The following BMPR1B variants were observed in gnomAD, a reference collection of about 807,000 sequenced individuals.
BMPR1B encodes the protein bone morphogenetic protein receptor type 1B.
BMPR1B carries 12 observed loss-of-function variants against 59.1 expected under a neutral mutation model. The ratio of observed to expected loss-of-function variants is 0.20; its 90% CI spans 0.13 to 0.33. BMPR1B has a LOEUF of 0.33. BMPR1B is among the 10% of genes least tolerant of loss of function. The probability of loss-of-function intolerance (pLI) is 1.00; values close to 1 mark genes in which losing one functional copy is unlikely to be tolerated. For synonymous variants in BMPR1B, 237 were observed against 207.3 expected (o/e 1.14, Z -1.23); for missense variants, 550 against 610.9 (o/e 0.90, Z 1.05).
intron 2 of BMPR1B, among the ~76,000 whole-genome samples, chr4:94,912,401 A>G (rs1411422520): frequency 6.6e-6 from 1 of 152,094 alleles, no homozygotes; most frequent in Non-Finnish European, 1.5e-5. Context: ...TTGCTCAGAG[A>G]TTCAAGCTGA....
intron 10 of BMPR1B, among the ~76,000 whole-genome samples, chr4:95,145,168 T>G (rs749969080): frequency 3.9e-4 from 59 of 152,220 alleles, no homozygotes; most frequent in Non-Finnish European, 7.1e-4. Flanking sequence ...CCTGTTGCAG[T>G]CCCATTCCTT....
chr4:94,938,872 G>T (rs896645543), intron 2 of BMPR1B, among the ~76,000 whole-genome samples: 8 of 151,900 alleles, frequency 5.3e-5, no homozygotes, highest in African/African-American at 1.9e-4. Flanking sequence ...TTAGCCATGT[G>T]TGGGGGCACA....
intron 1 of BMPR1B, among the ~76,000 whole-genome samples, chr4:94,797,753 G>T (rs1308671835): frequency 6.6e-6 from 1 of 152,162 alleles, no homozygotes; most frequent in African/African-American, 2.4e-5. Context: ...TTGGGGTGGA[G>T]CCCATGAATT....
chr4:94,796,100 GA>G (rs2110612745), intron 1 of BMPR1B, among the ~76,000 whole-genome samples: 1 of 152,112 alleles, frequency 6.6e-6, no homozygotes, highest in South Asian at 2.1e-4. Context: ...GAGTAGCTGG[GA>G]TTACAGGTAT....
chr4:95,128,881 C>T (rs531490013), intron 8 of BMPR1B, among the ~76,000 whole-genome samples: 1 of 152,244 alleles, frequency 6.6e-6, no homozygotes, highest in South Asian at 2.1e-4. Flanking sequence ...TCTGTTGACT[C>T]TCATTTATAG....
chr4:94,935,103 A>G (rs553374270), intron 2 of BMPR1B, among the ~76,000 whole-genome samples: 1 of 152,274 alleles, frequency 6.6e-6, no homozygotes, highest in South Asian at 2.1e-4. Context: ...TTCAGCAAGT[A>G]AATTAATTTT....
intron 2 of BMPR1B, among the ~76,000 whole-genome samples, chr4:94,949,180 G>A (rs1011319376): frequency 2.0e-5 from 3 of 152,114 alleles, no homozygotes; most frequent in East Asian, 1.9e-4. Context: ...GTGCCCATAT[G>A]TTCTCATTGT....
intron 2 of BMPR1B, among the ~76,000 whole-genome samples, chr4:94,908,456 C>T (rs575397994): frequency 2.0e-4 from 31 of 151,776 alleles, no homozygotes; most frequent in Non-Finnish European, 4.0e-4. Flanking sequence ...TCAGTGGCCC[C>T]GTCTCTTGTG....
At chr4:94,830,792 G>C (rs143093018) in intron 1 of BMPR1B, among the ~76,000 whole-genome samples, 1 of 152,254 alleles carries the variant, frequency 6.6e-6, no homozygotes, top group East Asian at 1.9e-4. Flanking sequence ...TGACACTGTA[G>C]CCATCGTAAC....
intron 3 of BMPR1B, among the ~76,000 whole-genome samples, chr4:95,034,471 ATTC>A (rs1457449809): frequency 2.0e-5 from 3 of 151,876 alleles, no homozygotes; most frequent in Non-Finnish European, 2.9e-5. Flanking sequence ...CCATTATATC[ATTC>A]TTCTGCCTTT....
At chr4:94,896,557 C>T (rs1727593827) in intron 2 of BMPR1B, among the ~76,000 whole-genome samples, 1 of 151,864 alleles carries the variant, frequency 6.6e-6, no homozygotes, top group Admixed American at 6.6e-5. Context: ...AAATAGAGCT[C>T]CCTAGAGCAT....
intron 1 of BMPR1B, among the ~76,000 whole-genome samples, chr4:94,844,080 G>A (rs774336691): frequency 1.3e-5 from 2 of 152,280 alleles, no homozygotes; most frequent in Non-Finnish European, 2.9e-5. Context: ...AAGTTCTAGA[G>A]ATCTCATGTG....
intron 2 of BMPR1B, among the ~76,000 whole-genome samples, chr4:94,894,442 G>GAGAA (rs1727512901): frequency 6.6e-6 from 1 of 151,308 alleles, no homozygotes; most frequent in Admixed American, 6.6e-5. Flanking sequence ...CTTTAAAAGA[G>GAGAA]AGAGAGAGAG....
intron 3 of BMPR1B, among the ~76,000 whole-genome samples, chr4:95,004,797 A>G (rs913059561): frequency 6.6e-6 from 1 of 152,198 alleles, no homozygotes; most frequent in African/African-American, 2.4e-5. Context: ...CTTGACAATA[A>G]TAGAGAAAGA....
rs377673719 is a variant in BMPR1B, at chr4:94,896,164, T to A, written c.-113+20264T>A. Among the ~76,000 whole-genome samples the A allele has an allele frequency of 1.9e-4, 29 of 152,132 alleles. No homozygotes were observed. In the South Asian group the frequency reaches 4.3e-3, roughly 23 times the overall value. On this transcript the variant is annotated intron_variant, in intron 2 of 12. Coordinates refer to ENST00000515059, the MANE Select transcript of BMPR1B (RefSeq NM_001203.3). ...TACTAACTCAAAGGGTGAAAATGAA[T>A]AATATCTTTCTTTAGGAGTTTGAAA...
intron 1 of BMPR1B, among the ~76,000 whole-genome samples, chr4:94,871,999 A>G (rs1726516682): frequency 6.6e-6 from 1 of 152,210 alleles, no homozygotes; most frequent in Non-Finnish European, 1.5e-5. Context: ...CAGGTTAGGA[A>G]TAGGTTTTAA....
At chr4:95,070,002 A>G (rs1289079883) in intron 3 of BMPR1B, among the ~76,000 whole-genome samples, 4 of 152,092 alleles carry the variant, frequency 2.6e-5, no homozygotes, top group East Asian at 1.9e-4. Flanking sequence ...GGGAGGCTGA[A>G]GCAGGAGAAT....
intron 1 of BMPR1B, among the ~76,000 whole-genome samples, chr4:94,808,501 G>A (rs1241498799): frequency 2.6e-5 from 4 of 152,118 alleles, no homozygotes; most frequent in African/African-American, 9.7e-5. Context: ...TTTTTTATTT[G>A]AAGTAATACT....
chr4:94,985,875 T>C (rs1721374316), intron 2 of BMPR1B, among the ~76,000 whole-genome samples: 1 of 152,164 alleles, frequency 6.6e-6, no homozygotes, highest in Admixed American at 6.6e-5. Context: ...TATAAAAATA[T>C]AAAGTGCCAC....
Sources: gnomAD v4.1 joint callset for allele counts (sites outside exome capture counted in the v4.1 genomes callset) on GRCh38, gnomAD v4.1.1 for gene constraint, MANE v1.5 for transcripts, NCBI Gene and HGNC (gene_info 2026-07-23, HGNC 2026-07-21) for gene names.